The following STPG2 variants were observed in gnomAD, a reference collection of about 807,000 sequenced individuals.
STPG2 encodes sperm tail PG-rich repeat containing 2.
STPG2 carries 56 observed loss-of-function variants against 54.2 expected under a neutral mutation model. That is an observed-to-expected ratio of 1.03 (90% CI 0.83 to 1.29). STPG2 has a LOEUF of 1.29. Ranked by LOEUF, STPG2 falls within the 50% of genes most tolerant of loss-of-function variation. The pLI is 0.00. For missense variants in STPG2, 596 were observed against 544.9 expected, an observed-to-expected ratio of 1.09 and a Z score of -0.93; for synonymous variants, 200 against 181.8, an observed-to-expected ratio of 1.10 and a Z score of -0.81.
In STPG2 at chr4:97,779,152, C is replaced by T. The variant is rs193222752; in HGVS notation, c.1204+61621G>A. ...CTTCTCCGAGGTAAAGGAAGAAAGT[C>T]GAACCCAACCCAAAGAAGCTGAAAA... On this transcript the variant is annotated intron_variant, in intron 9 of 10. Transcript: ENST00000295268. Among the ~76,000 whole-genome samples the T allele has an allele frequency of 4.1e-4, 62 of 152,208 alleles. 1 individual carries two copies. In the East Asian group the frequency reaches 0.012, roughly 28 times the overall value.
intron 8 of STPG2, among the ~76,000 whole-genome samples, chr4:97,847,679 G>T (rs116316534): frequency 0.038 from 5,735 of 152,144 alleles, 144 homozygotes; most frequent in Non-Finnish European, 0.053. Flanking sequence ...TTGTGTTCTG[G>T]ACATTTGCAC....
intron 5 of STPG2, among the ~76,000 whole-genome samples, chr4:98,017,105 T>C (rs1271082558): frequency 6.6e-6 from 1 of 152,206 alleles, no homozygotes; most frequent in Non-Finnish European, 1.5e-5. Context: ...CCTAGCACTT[T>C]GTTGGACCTG....
intron 4 of STPG2, among the ~76,000 whole-genome samples, chr4:97,449,486 T>C (rs1027646905): frequency 7.9e-5 from 12 of 152,202 alleles, no homozygotes; most frequent in African/African-American, 2.9e-4. Context: ...CAAACTCTGA[T>C]TTCCATTGCT....
chr4:98,021,903 A>T (rs1380713870), intron 5 of STPG2, among the ~76,000 whole-genome samples: 1 of 151,956 alleles, frequency 6.6e-6, no homozygotes, highest in South Asian at 2.1e-4. Flanking sequence ...TTCTGAGCCT[A>T]TGTGTGTCTC....
chr4:97,988,026 TCACACACACA>T (rs3047311), intron 5 of STPG2, among the ~76,000 whole-genome samples: 17 of 141,708 alleles, frequency 1.2e-4, no homozygotes, highest in East Asian at 8.5e-4. Context: ...GGTCTGAATG[TCACACACACA>T]CACACACACA....
At chr4:97,877,687 T>C (rs1253227030) in intron 8 of STPG2, among the ~76,000 whole-genome samples, 2 of 152,214 alleles carry the variant, frequency 1.3e-5, no homozygotes. Context: ...CATGGGGGAA[T>C]TACGGGAGCT....
intron 9 of STPG2, among the ~76,000 whole-genome samples, chr4:97,730,633 C>T (rs1364299856): frequency 1.3e-5 from 2 of 152,170 alleles, no homozygotes; most frequent in Non-Finnish European, 2.9e-5. Context: ...ATTGCTTACC[C>T]TGTCTCCTCT....
At chr4:98,038,818 T>C (rs1231014873) in intron 5 of STPG2, among the ~76,000 whole-genome samples, 2 of 151,864 alleles carry the variant, frequency 1.3e-5, no homozygotes, top group Non-Finnish European at 2.9e-5. Flanking sequence ...CCAGAATACA[T>C]AACAACTGCC....
chr4:97,450,821 C>T, intron 4 of STPG2, among the ~76,000 whole-genome samples: 1 of 152,210 alleles, frequency 6.6e-6, no homozygotes, highest in Admixed American at 6.5e-5. Context: ...TGGAAAATCA[C>T]ATTATTGTAT....
chr4:97,814,668 C>A (rs1384210640), intron 9 of STPG2, among the ~76,000 whole-genome samples: 1 of 152,056 alleles, frequency 6.6e-6, no homozygotes, highest in Non-Finnish European at 1.5e-5. Flanking sequence ...CTGGGAAAGG[C>A]AGACCCAGCC....
At chr4:97,509,143 C>G (rs547571574) in intron 4 of STPG2, among the ~76,000 whole-genome samples, 28 of 152,166 alleles carry the variant, frequency 1.8e-4, no homozygotes, top group Non-Finnish European at 3.5e-4. Flanking sequence ...TTATGTCTCT[C>G]CAGGGTTTCG....
intron 4 of STPG2, among the ~76,000 whole-genome samples, chr4:97,477,774 G>A (rs1188424062): frequency 2.0e-5 from 3 of 152,026 alleles, no homozygotes; most frequent in African/African-American, 4.8e-5. Flanking sequence ...ACAGACGTGA[G>A]GAACCGCGCC....
intron 9 of STPG2, among the ~76,000 whole-genome samples, chr4:97,838,624 A>C (rs1003209131): frequency 6.6e-6 from 1 of 151,510 alleles, no homozygotes; most frequent in African/African-American, 2.4e-5. Context: ...TCAATGTAAC[A>C]GAGTCTAGAC....
At chr4:97,540,319 A>G (rs1731662641) in intron 4 of STPG2, among the ~76,000 whole-genome samples, 1 of 152,168 alleles carries the variant, frequency 6.6e-6, no homozygotes, top group Non-Finnish European at 1.5e-5. Context: ...CAGACATACA[A>G]ACTACCATCA....
At position 97,765,754 on chromosome 4, in the gene STPG2, C is replaced by T. The variant is rs114625176; in HGVS notation, c.1205-52940G>A. 2.8e-3 allele frequency among the ~76,000 whole-genome samples: 427 copies of T among 152,168 alleles called. 3 individuals are homozygous for T. The highest frequency in any genetic ancestry group is 9.4e-3 in the African/African-American group (391 of 41,544). On this transcript the variant is annotated intron_variant, in intron 9 of 10. Transcript: ENST00000295268. ...AACAAACTAATTCAGAGTCAGACAACCTGAACAATTAAAGACTTTGAACTT... is the reference window on the plus strand; with the variant it reads ...AACAAACTAATTCAGAGTCAGACAATCTGAACAATTAAAGACTTTGAACTT...
At chr4:97,975,802 G>A (rs908484910) in intron 6 of STPG2, among the ~76,000 whole-genome samples, 1 of 152,150 alleles carries the variant, frequency 6.6e-6, no homozygotes, top group African/African-American at 2.4e-5. Flanking sequence ...GATTAGATCA[G>A]TGTTTGTCCA....
intron 7 of STPG2, among the ~76,000 whole-genome samples, chr4:97,969,341 T>C (rs1222253661): frequency 6.6e-6 from 1 of 152,242 alleles, no homozygotes; most frequent in African/African-American, 2.4e-5. Flanking sequence ...ACAGATGTTA[T>C]GTCAAAGAAT....
intron 10 of STPG2, among the ~76,000 whole-genome samples, chr4:97,696,618 C>A (rs1723582899): frequency 6.6e-6 from 1 of 152,168 alleles, no homozygotes; most frequent in Non-Finnish European, 1.5e-5. Context: ...TCTTCCCAAT[C>A]TATACATCTG....
chr4:97,564,525 G>C (rs1360991779), intron 10 of STPG2, among the ~76,000 whole-genome samples: 1 of 152,144 alleles, frequency 6.6e-6, no homozygotes, highest in African/African-American at 2.4e-5. Context: ...TTTCTTCCTA[G>C]CATCGATGGT....
Sources: gnomAD v4.1 joint callset for allele counts (sites outside exome capture counted in the v4.1 genomes callset) on GRCh38, gnomAD v4.1.1 for gene constraint, MANE v1.5 for transcripts, NCBI Gene and HGNC (gene_info 2026-07-23, HGNC 2026-07-21) for gene names.